LRMDA: variants seen among roughly 807,000 people sequenced by gnomAD.
LRMDA encodes the protein leucine-rich melanocyte differentiation-associated protein.
Under a neutral mutation model 29.8 loss-of-function variants are expected in LRMDA, and 18 were observed. The observed-to-expected ratio is 0.60, with a 90% CI of 0.42 to 0.90. The LOEUF (loss-of-function observed/expected upper bound fraction) is 0.90. Among genes scored for constraint, LRMDA ranks in the 40% least tolerant of loss-of-function variants. LRMDA has a pLI of 0.00. For synonymous variants in LRMDA, 125 were observed against 109.4 expected (o/e 1.14, Z -0.89); for missense variants, 273 against 273.9 (o/e 1.00, Z 0.02).
intron 2 of LRMDA, among the ~76,000 whole-genome samples, chr10:75,555,468 A>T (rs996741101): frequency 6.6e-6 from 1 of 152,160 alleles, no homozygotes; most frequent in Non-Finnish European, 1.5e-5. Flanking sequence ...CATGTATAAA[A>T]TCTACCTAAA....
intron 2 of LRMDA, among the ~76,000 whole-genome samples, chr10:75,883,786 A>G (rs987716977): frequency 7.9e-5 from 12 of 151,612 alleles, no homozygotes; most frequent in African/African-American, 2.9e-4. Flanking sequence ...TACAACTTCC[A>G]GAAGTAAGAG....
chr10:75,847,638 A>G (rs1051579222), intron 2 of LRMDA, among the ~76,000 whole-genome samples: 7 of 152,216 alleles, frequency 4.6e-5, no homozygotes, highest in African/African-American at 1.4e-4. Context: ...AAGAACTTCT[A>G]CAATTCTATA....
intron 5 of LRMDA, among the ~76,000 whole-genome samples, chr10:76,113,832 G>T (rs1230242801): frequency 6.6e-6 from 1 of 152,158 alleles, no homozygotes; most frequent in Admixed American, 6.5e-5. Context: ...TGGGGTCTCT[G>T]GCTGTCAAGA....
chr10:75,903,301 T>C (rs1845706037), intron 2 of LRMDA, among the ~76,000 whole-genome samples: 1 of 152,150 alleles, frequency 6.6e-6, no homozygotes, highest in Admixed American at 6.5e-5. Context: ...TCTGAAGCCC[T>C]CCCTCCTGGG....
intron 6 of LRMDA, among the ~76,000 whole-genome samples, chr10:76,555,284 A>C (rs1401133439): frequency 6.6e-6 from 1 of 152,064 alleles, no homozygotes; most frequent in Admixed American, 6.5e-5. Flanking sequence ...CAACTAAAAG[A>C]ATAATTTAGG....
intron 2 of LRMDA, among the ~76,000 whole-genome samples, chr10:75,562,240 G>A (rs986279576): frequency 1.3e-5 from 2 of 152,108 alleles, no homozygotes; most frequent in Non-Finnish European, 2.9e-5. Context: ...ATATGTTTAC[G>A]ATAGATAGCT....
At chr10:75,499,149 A>G (rs1028975447) in intron 2 of LRMDA, among the ~76,000 whole-genome samples, 1 of 152,124 alleles carries the variant, frequency 6.6e-6, no homozygotes, top group African/African-American at 2.4e-5. Context: ...GTTTTTCCAG[A>G]TTGATGAAAG....
chr10:75,448,592 G>T (rs1844421118), intron 2 of LRMDA, among the ~76,000 whole-genome samples: 1 of 152,134 alleles, frequency 6.6e-6, no homozygotes, highest in African/African-American at 2.4e-5. Context: ...TGATGGGGGT[G>T]GGCTCTATTA....
chr10:75,577,709 C>T (rs1166442287), intron 2 of LRMDA, among the ~76,000 whole-genome samples: 1 of 152,116 alleles, frequency 6.6e-6, no homozygotes, highest in African/African-American at 2.4e-5. Context: ...ACTGTACAAG[C>T]CAGAAGAGAG....
chr10:76,223,602 A>G (rs2132261520), intron 5 of LRMDA, among the ~76,000 whole-genome samples: 1 of 152,292 alleles, frequency 6.6e-6, no homozygotes, highest in Non-Finnish European at 1.5e-5. Context: ...TAATGCCCTT[A>G]CCTGTGGGCT....
chr10:76,524,313 C>T (rs1843152115), intron 6 of LRMDA, among the ~76,000 whole-genome samples: 1 of 152,194 alleles, frequency 6.6e-6, no homozygotes, highest in African/African-American at 2.4e-5. Context: ...AAAAAAAGCA[C>T]AACGGAGACA....
intron 2 of LRMDA, among the ~76,000 whole-genome samples, chr10:75,517,292 G>T (rs1362275418): frequency 6.6e-6 from 1 of 152,182 alleles, no homozygotes; most frequent in Admixed American, 6.5e-5. Context: ...ACCTTGGGCA[G>T]TATGGCCATT....
chr10:76,000,871 C>G (rs747274578), intron 2 of LRMDA, among the ~76,000 whole-genome samples: 1 of 152,106 alleles, frequency 6.6e-6, no homozygotes, highest in African/African-American at 2.4e-5. Context: ...TGTTGAGAGT[C>G]TGCTTCCCTC....
chr10:75,719,295 G>C (rs894286558), intron 2 of LRMDA, among the ~76,000 whole-genome samples: 23 of 152,152 alleles, frequency 1.5e-4, no homozygotes, highest in Admixed American at 3.9e-4. Context: ...AGCTTTTTGG[G>C]GTTGGCATTA....
intron 5 of LRMDA, among the ~76,000 whole-genome samples, chr10:76,243,068 C>T (rs938625399): frequency 6.6e-6 from 1 of 152,116 alleles, no homozygotes; most frequent in Non-Finnish European, 1.5e-5. Flanking sequence ...AGCAGTACAG[C>T]CTTAGAGAAC....
chr10:75,628,857 G>T (rs1467487377), intron 2 of LRMDA, among the ~76,000 whole-genome samples: 2 of 152,210 alleles, frequency 1.3e-5, no homozygotes, highest in East Asian at 3.8e-4. Flanking sequence ...GAAGGTGCAG[G>T]CTGGGGCACT....
At chr10:76,343,055 A>G (rs901759474) in intron 6 of LRMDA, among the ~76,000 whole-genome samples, 4 of 152,218 alleles carry the variant, frequency 2.6e-5, no homozygotes, top group African/African-American at 2.4e-5. Context: ...ATTTATTTCA[A>G]GCTACCTGTG....
At chr10:75,654,429 C>A (rs1386647578) in intron 2 of LRMDA, among the ~76,000 whole-genome samples, 1 of 152,204 alleles carries the variant, frequency 6.6e-6, no homozygotes, top group African/African-American at 2.4e-5. Context: ...GAATTTTACT[C>A]ATGGAGCTTC....
chr10:76,037,577 A>G (rs908345953), intron 3 of LRMDA, among the ~76,000 whole-genome samples: 2 of 152,208 alleles, frequency 1.3e-5, no homozygotes, highest in Admixed American at 6.5e-5. Context: ...TAAACAACAA[A>G]CATTTATTTC....
Sources: allele counts gnomAD v4.1 joint callset (sites outside exome capture counted in the v4.1 genomes callset), GRCh38; gene constraint gnomAD v4.1.1; transcripts MANE v1.5; gene names NCBI Gene and HGNC (gene_info 2026-07-23, HGNC 2026-07-21).